Variants in OVCH1 observed in about 807,000 individuals in gnomAD.
OVCH1 encodes ovochymase 1, also known as ovochymase-1.
Under a neutral mutation model 138.4 loss-of-function variants are expected in OVCH1, and 139 were observed. That is an observed-to-expected ratio of 1.00 (90% CI 0.87 to 1.16). The LOEUF is 1.16. Ranked by LOEUF, OVCH1 falls within the 50% of genes most tolerant of loss-of-function variation. The pLI is 0.00. For missense variants in OVCH1, 1,367 were observed against 1,357.9 expected (o/e 1.01, Z -0.11); for synonymous variants, 453 against 467.8 (o/e 0.97, Z 0.41).
intron 16 of OVCH1, among the ~76,000 whole-genome samples, chr12:29,470,745 T>C (rs1298294814): frequency 6.6e-6 from 1 of 152,180 alleles, no homozygotes. Context: ...GTAATGTGAT[T>C]GCTAGGTCAA....
intron 19 of OVCH1, among the ~76,000 whole-genome samples, chr12:29,455,918 T>G (rs1040736350): frequency 6.6e-6 from 1 of 152,162 alleles, no homozygotes; most frequent in African/African-American, 2.4e-5. Flanking sequence ...TGGTCACTCT[T>G]GACACAATCT....
At chr12:29,465,325 G>A (rs554309941) in intron 16 of OVCH1, 106 bp from the exon 17 acceptor site, 5 of 929,758 alleles carry the variant, frequency 5.4e-6, no homozygotes, top group African/African-American at 1.7e-5. Flanking sequence ...TTCTGAAGAC[G>A]TTCTGAGGAA....
At chr12:29,481,622 A>G (rs969468955) in intron 8 of OVCH1, among the ~76,000 whole-genome samples, 1 of 152,000 alleles carries the variant, frequency 6.6e-6, no homozygotes, top group African/African-American at 2.4e-5. Flanking sequence ...TCAATGCCAA[A>G]CCTTCTTTAT....
At chr12:29,477,162 C>G in exon 12 of OVCH1, 1 of 1,613,600 alleles carries the variant, frequency 6.2e-7, no homozygotes, top group Non-Finnish European at 8.5e-7. Context: ...TACTGGGATA[C>G]AAATCAGGAT....
At chr12:29,496,339 G>T in intron 2 of OVCH1, 61 bp from the exon 3 acceptor site, 1 of 1,362,984 alleles carries the variant, frequency 7.3e-7, no homozygotes, top group Non-Finnish European at 1.0e-6. Flanking sequence ...TATCTCCATC[G>T]GAAACACTGG....
intron 19 of OVCH1, among the ~76,000 whole-genome samples, chr12:29,458,091 G>A (rs530257091): frequency 8.5e-4 from 129 of 152,104 alleles, no homozygotes; most frequent in African/African-American, 3.0e-3. Context: ...TAGATGAAAA[G>A]AAGTTAGAAA....
chr12:29,473,849 T>C (rs1942600336), intron 14 of OVCH1, among the ~76,000 whole-genome samples: 1 of 152,090 alleles, frequency 6.6e-6, no homozygotes, highest in Admixed American at 6.6e-5. Flanking sequence ...TCTAATCAGC[T>C]TCCAGCTAAC....
chr12:29,433,063 G>T (rs1211047730), intron 27 of OVCH1, among the ~76,000 whole-genome samples: 2 of 152,176 alleles, frequency 1.3e-5, no homozygotes, highest in Admixed American at 1.3e-4. Flanking sequence ...AAAAAAAAGA[G>T]AAATCCAAGT....
chr12:29,439,568 T>C (rs1442018900), intron 25 of OVCH1: 6 of 1,148,190 alleles, frequency 5.2e-6, no homozygotes, highest in Admixed American at 3.7e-5. Flanking sequence ...CTCGGTACTT[T>C]ACCTCTCACA....
intron 16 of OVCH1, among the ~76,000 whole-genome samples, chr12:29,466,413 G>A (rs146534886): frequency 1.7e-3 from 244 of 141,486 alleles, no homozygotes; most frequent in African/African-American, 7.3e-3. Flanking sequence ...TGACAAGGTA[G>A]CTTCTGGTCT....
chr12:29,497,195 G>A (rs554579184), intron 1 of OVCH1, among the ~76,000 whole-genome samples: 1 of 152,130 alleles, frequency 6.6e-6, no homozygotes, highest in Admixed American at 6.5e-5. Flanking sequence ...CATTAGCCCT[G>A]GAGTTTGAGG....
At position 29,439,848 on chromosome 12, in the gene OVCH1, TTTAC is replaced by T. The variant is rs1941442253; in HGVS notation, c.3158-418_3158-415del. Among the ~76,000 whole-genome samples the T allele has an allele frequency of 6.6e-6, 1 of 152,162 alleles. No individual in the cohort carries two copies. Among genetic ancestry groups the T allele is most frequent in the Non-Finnish European group, 1.5e-5 (1 of 68,032 alleles). ...CAACTCACAAAATTCAGGGAAACAC[TTTAC>T]TTGTGTTTACCTATTTATTACAAAG... On this transcript the variant is annotated intron_variant, in intron 25 of 27. Coordinates refer to ENST00000318184, the Ensembl canonical transcript of OVCH1.
chr12:29,429,910 T>G (rs1300411478), intron 27 of OVCH1, among the ~76,000 whole-genome samples: 1 of 152,202 alleles, frequency 6.6e-6, no homozygotes, highest in Non-Finnish European at 1.5e-5. Context: ...TATCCACAGA[T>G]CCTTACTTAT....
chr12:29,410,859 C>T (rs1156348746), downstream of OVCH1, among the ~76,000 whole-genome samples: 10 of 151,736 alleles, frequency 6.6e-5, no homozygotes, highest in East Asian at 7.8e-4. Context: ...TGTTGGCCTG[C>T]GTTGCTAGAT....
At chr12:29,404,656 A>G in the OVCH1 span, among the ~76,000 whole-genome samples, 1 of 152,094 alleles carries the variant, frequency 6.6e-6, no homozygotes, top group Admixed American at 6.6e-5. Flanking sequence ...GTGACATGAA[A>G]ACTCCTTTAT....
intron 5 of OVCH1, among the ~76,000 whole-genome samples, chr12:29,490,629 C>G (rs1380534508): frequency 5.3e-5 from 8 of 152,144 alleles, no homozygotes. Flanking sequence ...AACTATAGTT[C>G]CCATGCAGTA....
chr12:29,449,864 T>C (rs1184329908), intron 22 of OVCH1, among the ~76,000 whole-genome samples: 6 of 151,948 alleles, frequency 3.9e-5, no homozygotes, highest in African/African-American at 1.5e-4. Context: ...ATGCCACACA[T>C]CTACAACCAT....
At chr12:29,418,714 C>T (rs1265609293) in intron 3 of OVCH1, among the ~76,000 whole-genome samples, 3 of 152,182 alleles carry the variant, frequency 2.0e-5, no homozygotes, top group Non-Finnish European at 4.4e-5. Context: ...ATCACTGCTT[C>T]CCATGTTCCA....
chr12:29,429,613 C>A (rs1015465788), intron 27 of OVCH1, among the ~76,000 whole-genome samples: 10 of 152,136 alleles, frequency 6.6e-5, no homozygotes, highest in Admixed American at 6.5e-4. Context: ...TTCAAAGATT[C>A]TTCTGTTATA....
Sources: allele counts gnomAD v4.1 joint callset (sites outside exome capture counted in the v4.1 genomes callset), GRCh38; gene constraint gnomAD v4.1.1; transcripts MANE v1.5; gene names NCBI Gene and HGNC (gene_info 2026-07-23, HGNC 2026-07-21).